Variants in TSHZ2 observed in about 807,000 individuals in gnomAD.
The protein encoded by TSHZ2 is teashirt zinc finger homeobox 2.
TSHZ2 carries 21 observed loss-of-function variants against 74.4 expected under a neutral mutation model. The observed-to-expected ratio is 0.28, with a 90% CI of 0.20 to 0.41. TSHZ2 has a LOEUF of 0.41. TSHZ2 is among the 10% of genes least tolerant of loss of function. The pLI is 1.00. For synonymous variants in TSHZ2, 540 were observed against 515.3 expected, an observed-to-expected ratio of 1.05 and a Z score of -0.65; for missense variants, 1,244 against 1,293.5, an observed-to-expected ratio of 0.96 and a Z score of 0.59.
chr20:53,270,803 AATG>A (rs1324152553), intron 2 of TSHZ2, among the ~76,000 whole-genome samples: 8 of 152,140 alleles, frequency 5.3e-5, no homozygotes, highest in Non-Finnish European at 1.2e-4. Flanking sequence ...TGGAGAAAAA[AATG>A]ATGTTTCAGG....
chr20:53,472,816 G>A (rs956855053), intron 2 of TSHZ2, among the ~76,000 whole-genome samples: 3 of 151,914 alleles, frequency 2.0e-5, no homozygotes, highest in South Asian at 2.1e-4. Context: ...TGCGCGAGCC[G>A]AAGCAGGGTG....
intron 1 of TSHZ2, among the ~76,000 whole-genome samples, chr20:53,015,783 G>T (rs1983016394): frequency 6.6e-6 from 1 of 152,116 alleles, no homozygotes; most frequent in South Asian, 2.1e-4. Flanking sequence ...TGATCATGCT[G>T]CTGGGACAGG....
intron 1 of TSHZ2, among the ~76,000 whole-genome samples, chr20:53,242,804 C>T (rs1043331567): frequency 2.0e-5 from 3 of 152,158 alleles, no homozygotes; most frequent in Non-Finnish European, 4.4e-5. Context: ...TTCACTGATG[C>T]AATCATTCAT....
intron 1 of TSHZ2, among the ~76,000 whole-genome samples, chr20:53,070,788 T>G (rs1248732040): frequency 6.6e-6 from 1 of 152,214 alleles, no homozygotes; most frequent in Non-Finnish European, 1.5e-5. Flanking sequence ...AAGAGCCTTT[T>G]TCTGTTTACA....
chr20:53,463,399 G>C (rs1222290535), intron 2 of TSHZ2, among the ~76,000 whole-genome samples: 2 of 108,342 alleles, frequency 1.8e-5, no homozygotes, highest in Non-Finnish European at 3.8e-5. Context: ...AGGAAGGAAG[G>C]AAGGAAGGAA....
At chr20:53,292,555 C>A (rs1188935619) in intron 2 of TSHZ2, among the ~76,000 whole-genome samples, 1 of 151,920 alleles carries the variant, frequency 6.6e-6, no homozygotes, top group Admixed American at 6.6e-5. Flanking sequence ...TCAAACCATC[C>A]TCCTGCCTCA....
chr20:53,310,789 G>T (rs1433096068), intron 2 of TSHZ2, among the ~76,000 whole-genome samples: 1 of 152,184 alleles, frequency 6.6e-6, no homozygotes, highest in Non-Finnish European at 1.5e-5. Flanking sequence ...TCTCTTTCAA[G>T]ATGGAGGTCA....
At position 53,358,733 on chromosome 20, in the gene TSHZ2, A is replaced by T. The variant is rs373841886; in HGVS notation, c.*8+102162A>T. Reference sequence around the variant, plus strand: ...TGCATAAAATAAAATGGCAAGTTAGATTTATTTGGAGAAATAAATTGTAGA... The same window carrying T: ...TGCATAAAATAAAATGGCAAGTTAGTTTTATTTGGAGAAATAAATTGTAGA... On this transcript the variant is annotated intron_variant, in intron 2 of 2. Coordinates refer to ENST00000371497, the MANE Select transcript of TSHZ2 (RefSeq NM_173485.6). 3.0e-4 allele frequency among the ~76,000 whole-genome samples: 46 copies of T among 152,322 alleles called. 3 individuals carry two copies. The East Asian group carries it at 4.4e-3, about 15-fold the overall frequency.
At chr20:53,069,555 G>A (rs541742424) in intron 1 of TSHZ2, among the ~76,000 whole-genome samples, 65 of 152,050 alleles carry the variant, frequency 4.3e-4, no homozygotes, top group Middle Eastern at 3.4e-3. Flanking sequence ...GGAGTATTCT[G>A]GGGAAGAGAA....
chr20:53,281,167 G>A (rs1462109524), intron 2 of TSHZ2, among the ~76,000 whole-genome samples: 1 of 152,132 alleles, frequency 6.6e-6, no homozygotes, highest in African/African-American at 2.4e-5. Context: ...TAAGAATGCT[G>A]AGCCAAAAAA....
At chr20:53,072,966 T>TCCCTTC (rs1985224054) in intron 1 of TSHZ2, among the ~76,000 whole-genome samples, 1 of 108,954 alleles carries the variant, frequency 9.2e-6, no homozygotes. Context: ...TTCATCCATC[T>TCCCTTC]ATCCCTCCAT....
At chr20:53,197,311 AT>A in intron 1 of TSHZ2, among the ~76,000 whole-genome samples, 1 of 152,326 alleles carries the variant, frequency 6.6e-6, no homozygotes, top group South Asian at 2.1e-4. Flanking sequence ...TGATCTTTTA[AT>A]TTTTAAAAAA....
At chr20:53,246,020 T>TTTTC (rs926762294) in intron 1 of TSHZ2, among the ~76,000 whole-genome samples, 16 of 148,732 alleles carry the variant, frequency 1.1e-4, no homozygotes, top group East Asian at 5.9e-4. Context: ...GCAGCTGTGC[T>TTTTC]TTTCTTTCTT....
At chr20:53,249,784 G>A (rs1159666218) in intron 1 of TSHZ2, among the ~76,000 whole-genome samples, 1 of 152,228 alleles carries the variant, frequency 6.6e-6, no homozygotes, top group African/African-American at 2.4e-5. Context: ...GCAGGCTCTT[G>A]TAGACCATGC....
Position 53,221,397 on chromosome 20 carries a change from A to C in TSHZ2, c.41-32102A>C, listed in dbSNP as rs868644741. The stretch of plus-strand genomic sequence containing the variant: ...AGTGTTGGTAACTACATTTAAAAAT[A>C]AATACTGTGGGTATCTATAGGGGCC... On this transcript the variant is annotated intron_variant, in intron 1 of 2. Transcript: ENST00000371497. Among the ~76,000 whole-genome samples, 5 of 152,370 alleles carry C rather than the reference A, an allele frequency of 3.3e-5. No individual in the cohort carries two copies. In the Middle Eastern group the frequency reaches 0.01, roughly 311 times the overall value.
intron 2 of TSHZ2, among the ~76,000 whole-genome samples, chr20:53,292,192 C>CCACATGTT (rs1217910561): frequency 2.6e-5 from 4 of 152,054 alleles, no homozygotes; most frequent in African/African-American, 9.7e-5. Flanking sequence ...ATGATTCTGT[C>CCACATGTT]CACATGTTTT....
chr20:53,324,166 A>T (rs1001433431), intron 2 of TSHZ2, among the ~76,000 whole-genome samples: 1 of 152,088 alleles, frequency 6.6e-6, no homozygotes, highest in Non-Finnish European at 1.5e-5. Context: ...CTCCACTCAC[A>T]GGAATGGTTC....
intron 1 of TSHZ2, among the ~76,000 whole-genome samples, chr20:53,205,039 A>G (rs897463306): frequency 1.3e-5 from 2 of 151,550 alleles, no homozygotes; most frequent in East Asian, 1.9e-4. Flanking sequence ...TGCAGTGAGC[A>G]GAGATCTCGC....
chr20:53,009,622 A>G (rs1243388648), intron 1 of TSHZ2, among the ~76,000 whole-genome samples: 1 of 152,208 alleles, frequency 6.6e-6, no homozygotes, highest in African/African-American at 2.4e-5. Flanking sequence ...GACTACTGTA[A>G]AAAGAGAAAT....
Sources: allele counts gnomAD v4.1 joint callset (sites outside exome capture counted in the v4.1 genomes callset), GRCh38; gene constraint gnomAD v4.1.1; transcripts MANE v1.5; gene names NCBI Gene and HGNC (gene_info 2026-07-23, HGNC 2026-07-21).